The following ADAM10 variants were observed in gnomAD, a reference collection of about 807,000 sequenced individuals.
The protein encoded by ADAM10 is ADAM metallopeptidase domain 10.
In ADAM10, 17 loss-of-function variants were observed where a neutral mutation model predicts 90.1. That is an observed-to-expected ratio of 0.19 (90% CI 0.13 to 0.28). The LOEUF is 0.28. Among genes scored for constraint, ADAM10 ranks in the 10% least tolerant of loss-of-function variants. ADAM10 has a pLI of 1.00. For missense variants in ADAM10, 610 were observed against 914.3 expected (o/e 0.67, Z 4.29); for synonymous variants, 310 against 298.6 (o/e 1.04, Z -0.40).
At chr15:58,602,415 C>T (rs1895136040) in intron 14 of ADAM10, among the ~76,000 whole-genome samples, 2 of 152,108 alleles carry the variant, frequency 1.3e-5, no homozygotes, top group South Asian at 4.1e-4. Flanking sequence ...TGCTTGGGCT[C>T]TGAAACCCCA....
In ADAM10 at chr15:58,591,850, T is replaced by C. The variant is rs1441789672; in HGVS notation, c.*5697A>G. The C allele has an allele frequency of 6.6e-6, 1 of 152,228 alleles. No homozygotes were observed. Among genetic ancestry groups the C allele is most frequent in the Non-Finnish European group, 1.5e-5 (1 of 68,042 alleles). 9.4% of individuals were successfully genotyped at this position (152,228 alleles called of 1,614,324 possible). A position where few individuals can be genotyped will look rare whatever the true frequency, so the allele number is the denominator to read the frequency against. Reference sequence around the variant, plus strand: ...ACCTAAAAATAATTAAAAACCTTAATATCAAATATCCACTTTTCACATTTT... The same window carrying C: ...ACCTAAAAATAATTAAAAACCTTAACATCAAATATCCACTTTTCACATTTT... On this transcript the variant is annotated 3_prime_UTR_variant, in exon 16 of 16. Transcript: ENST00000260408.
In ADAM10 at chr15:58,633,289, T is replaced by C. The variant is rs200482923; in HGVS notation, c.1083A>G (p.Gly361=). The change falls in exon 9 of 16, where the codon GGA becomes GGG. Residue 361 remains glycine (G), a synonymous_variant. Coordinates refer to ENST00000260408, the MANE Select transcript of ADAM10 (RefSeq NM_001110.4). ...ACCCATAGTTCTGAACAGTAATAAT[T>C]CCAGTGTTTAAGGACTTCTTCTTAC... The part of the protein sequence containing the change: ...SDGKKKSLNT[G]IITVQNYGSH... 1.2e-6 allele frequency: 2 copies of C among 1,613,148 alleles called. No individual in the cohort carries two copies. The highest frequency in any genetic ancestry group is 2.2e-5 in the East Asian group (1 of 44,782).
intron 2 of ADAM10, chr15:58,693,060 A>G (rs772833473): frequency 2.5e-4 from 187 of 750,770 alleles, no homozygotes; most frequent in Admixed American, 6.4e-4. Context: ...CATCAGAAGC[A>G]TTAGAGATCA....
At chr15:58,649,466 G>C (rs1316656431) in intron 5 of ADAM10, among the ~76,000 whole-genome samples, 1 of 152,078 alleles carries the variant, frequency 6.6e-6, no homozygotes, top group Non-Finnish European at 1.5e-5. Flanking sequence ...GTTAGCATTT[G>C]AGCCCGCAAT....
chr15:58,610,662 G>A (rs2061167208), intron 13 of ADAM10, 145 bp from the exon 14 acceptor site: 1 of 799,352 alleles, frequency 1.3e-6, no homozygotes, highest in Admixed American at 2.0e-5. Context: ...TAGTTAGGCT[G>A]GGTAACGCCA....
intron 2 of ADAM10, among the ~76,000 whole-genome samples, chr15:58,710,665 C>T (rs1256738766): frequency 6.6e-6 from 1 of 152,034 alleles, no homozygotes; most frequent in African/African-American, 2.4e-5. Flanking sequence ...TATTATTTTC[C>T]TTTGGGAATT....
At chr15:58,624,347 G>A (rs566756992) in intron 10 of ADAM10, among the ~76,000 whole-genome samples, 80 of 152,120 alleles carry the variant, frequency 5.3e-4, no homozygotes, top group Non-Finnish European at 4.4e-5. Context: ...TATATACTAG[G>A]TGAATAATGA....
chr15:58,622,976 G>A (rs564119477), intron 10 of ADAM10, among the ~76,000 whole-genome samples: 2 of 152,118 alleles, frequency 1.3e-5, no homozygotes, highest in Admixed American at 1.3e-4. Flanking sequence ...CTACGATCTG[G>A]TGCTCTTTTC....
chr15:58,634,063 C>A (rs1430539148), intron 8 of ADAM10, among the ~76,000 whole-genome samples: 5 of 152,090 alleles, frequency 3.3e-5, no homozygotes, highest in South Asian at 2.1e-4. Context: ...GTAATCCCAG[C>A]ACTTTGGGAG....
At chr15:58,634,813 C>T (rs1270283646) in intron 8 of ADAM10, among the ~76,000 whole-genome samples, 1 of 152,046 alleles carries the variant, frequency 6.6e-6, no homozygotes, top group Non-Finnish European at 1.5e-5. Context: ...AGTTACTAAA[C>T]CATTTAAAAA....
At chr15:58,720,847 T>C (rs892559226) in intron 1 of ADAM10, among the ~76,000 whole-genome samples, 4 of 152,224 alleles carry the variant, frequency 2.6e-5, no homozygotes, top group Non-Finnish European at 5.9e-5. Flanking sequence ...ATGAGAACTT[T>C]TGAATAATTT....
intron 10 of ADAM10, among the ~76,000 whole-genome samples, chr15:58,625,859 G>A (rs1414597508): frequency 6.6e-6 from 1 of 152,188 alleles, no homozygotes; most frequent in Admixed American, 6.5e-5. Context: ...CAATAATTTA[G>A]ATGAATCCCC....
chr15:58,615,287 A>G (rs897127234), intron 11 of ADAM10, among the ~76,000 whole-genome samples: 1 of 151,824 alleles, frequency 6.6e-6, no homozygotes, highest in Non-Finnish European at 1.5e-5. Context: ...AAAAAAAAAA[A>G]AAAAAAAAAA....
intron 2 of ADAM10, among the ~76,000 whole-genome samples, chr15:58,713,735 C>A (rs1276308884): frequency 1.3e-5 from 2 of 152,066 alleles, no homozygotes; most frequent in Non-Finnish European, 2.9e-5. Flanking sequence ...ACGACTATGG[C>A]ACTGACTCAA....
chr15:58,692,134 C>T (rs948590074), intron 2 of ADAM10: 2 of 512,010 alleles, frequency 3.9e-6, no homozygotes, highest in Non-Finnish European at 7.8e-6. Flanking sequence ...CCATGATCCA[C>T]ACATGATGGA....
chr15:58,698,040 G>A (rs572123009), intron 2 of ADAM10, among the ~76,000 whole-genome samples: 13 of 152,096 alleles, frequency 8.5e-5, no homozygotes, highest in East Asian at 3.9e-4. Context: ...CTCAGAAAGC[G>A]AATTCAAAAA....
intron 4 of ADAM10, among the ~76,000 whole-genome samples, chr15:58,678,658 T>C (rs1897349652): frequency 6.6e-6 from 1 of 152,146 alleles, no homozygotes; most frequent in South Asian, 2.1e-4. Context: ...TGAAGTCAAG[T>C]CATTACCTTA....
intron 7 of ADAM10, among the ~76,000 whole-genome samples, chr15:58,643,566 A>G (rs1391778242): frequency 6.6e-6 from 1 of 152,212 alleles, no homozygotes; most frequent in East Asian, 1.9e-4. Flanking sequence ...ATTGGGGAAA[A>G]GTCAAGCACT....
At chr15:58,646,291 C>A in intron 5 of ADAM10, 87 bp from the exon 6 acceptor site, 1 of 1,341,668 alleles carries the variant, frequency 7.5e-7, no homozygotes, top group Non-Finnish European at 1.0e-6. Flanking sequence ...TAAACAATTT[C>A]ATATTCTGCT....
Sources: allele counts gnomAD v4.1 joint callset (sites outside exome capture counted in the v4.1 genomes callset), GRCh38; gene constraint gnomAD v4.1.1; transcripts MANE v1.5; gene names NCBI Gene and HGNC (gene_info 2026-07-23, HGNC 2026-07-21).